ERICH6B: variants seen among roughly 807,000 people sequenced by gnomAD.
The protein encoded by ERICH6B is glutamate-rich protein 6B.
ERICH6B carries 69 observed loss-of-function variants against 80.0 expected under a neutral mutation model. The observed-to-expected ratio is 0.86, with a 90% CI of 0.71 to 1.05. The LOEUF is 1.05. Among genes scored for constraint, ERICH6B ranks in the 50% least tolerant of loss-of-function variants. ERICH6B has a pLI of 0.00. For missense variants in ERICH6B, 754 were observed against 796.1 expected, an observed-to-expected ratio of 0.95 and a Z score of 0.64; for synonymous variants, 283 against 291.9, an observed-to-expected ratio of 0.97 and a Z score of 0.31.
chr13:45,596,466 C>T lies in ERICH6B; in HGVS notation c.540G>A (p.Lys180=). The T allele has an allele frequency of 6.4e-7, 1 of 1,551,710 alleles. No homozygotes were observed. Among genetic ancestry groups the T allele is most frequent in the Non-Finnish European group, 8.7e-7 (1 of 1,146,634 alleles). ...LGKKSYLEEE[K]ALEKEENLEE... ...CCAGATTCTCTTCCTTCTCCAGAGC[C>T]TTTTCCTCTTCTAGATATGATTTCT... The change falls in exon 3 of 15, where the codon AAG becomes AAA. Residue 180 remains lysine, a synonymous_variant. Transcript: ENST00000298738.
chr13:45,612,143 T>A (rs1949903491), intron 1 of ERICH6B, among the ~76,000 whole-genome samples: 1 of 152,262 alleles, frequency 6.6e-6, no homozygotes. Flanking sequence ...AGTCCTGATA[T>A]TATCATTTAG....
intron 2 of ERICH6B, among the ~76,000 whole-genome samples, chr13:45,598,295 G>A (rs1876486014): frequency 6.6e-6 from 1 of 152,166 alleles, no homozygotes; most frequent in African/African-American, 2.4e-5. Flanking sequence ...TTAGCTCGGA[G>A]CCTGGTGCAT....
chr13:45,575,086 A>G (rs142457202), intron 7 of ERICH6B, among the ~76,000 whole-genome samples, 156 bp from the exon 8 acceptor site: 160 of 152,356 alleles, frequency 1.1e-3, no homozygotes, highest in African/African-American at 3.7e-3. Flanking sequence ...TAGGTTAATC[A>G]CATGACCTAA....
intron 11 of ERICH6B, among the ~76,000 whole-genome samples, chr13:45,560,152 C>T (rs963272676): frequency 7.2e-5 from 11 of 152,264 alleles, no homozygotes; most frequent in South Asian, 6.2e-4. Context: ...TTCTAAACTG[C>T]TATTGCTTTA....
chr13:45,546,301 C>T (rs1274401677), intron 13 of ERICH6B, among the ~76,000 whole-genome samples: 2 of 152,138 alleles, frequency 1.3e-5, no homozygotes, highest in African/African-American at 4.8e-5. Flanking sequence ...AGAATCAGTG[C>T]CCTTGGGGCA....
intron 2 of ERICH6B, among the ~76,000 whole-genome samples, chr13:45,605,049 A>C (rs1949849569): frequency 6.6e-6 from 1 of 152,046 alleles, no homozygotes; most frequent in Non-Finnish European, 1.5e-5. Flanking sequence ...GCTCCCTGAG[A>C]CCCGGCCCCT....
At chr13:45,560,861 T>G (rs1468139887) in intron 11 of ERICH6B, among the ~76,000 whole-genome samples, 1 of 152,248 alleles carries the variant, frequency 6.6e-6, no homozygotes, top group Non-Finnish European at 1.5e-5. Context: ...CCATTCACTG[T>G]GTGATTGATT....
chr13:45,574,711 G>T, intron 8 of ERICH6B, 131 bp downstream of exon 8: 1 of 683,066 alleles, frequency 1.5e-6, no homozygotes, highest in Non-Finnish European at 2.5e-6. Flanking sequence ...CCCAGTCTGG[G>T]ATATATGAAG....
intron 4 of ERICH6B, among the ~76,000 whole-genome samples, chr13:45,589,984 G>A (rs1461652252): frequency 6.6e-6 from 1 of 152,140 alleles, no homozygotes; most frequent in Admixed American, 6.5e-5. Flanking sequence ...TCCCCTACTT[G>A]GCAAAACTGG....
At chr13:45,546,765 T>A (rs1374672268) in intron 13 of ERICH6B, among the ~76,000 whole-genome samples, 1 of 152,270 alleles carries the variant, frequency 6.6e-6, no homozygotes, top group South Asian at 2.1e-4. Context: ...TTTGTATATA[T>A]GAACCTTTCA....
chr13:45,607,928 G>A (rs1015783291), intron 1 of ERICH6B, among the ~76,000 whole-genome samples: 2 of 152,172 alleles, frequency 1.3e-5, no homozygotes, highest in East Asian at 3.9e-4. Flanking sequence ...CCACAGTATA[G>A]TTTAAATTTT....
At chr13:45,608,398 T>G (rs1398105265) in intron 1 of ERICH6B, among the ~76,000 whole-genome samples, 2 of 152,162 alleles carry the variant, frequency 1.3e-5, no homozygotes, top group Admixed American at 1.3e-4. Flanking sequence ...CCCACACACT[T>G]TCCTGCTTTT....
At chr13:45,606,503 GTGTATATATATATATATATATATA>G (rs1949861512) in intron 2 of ERICH6B, among the ~76,000 whole-genome samples, 2 of 32,774 alleles carry the variant, frequency 6.1e-5, no homozygotes, top group African/African-American at 1.7e-4. Flanking sequence ...AAAAGTGTAT[GTGTATATATATATATATATATATA>G]TATATATATA....
chr13:45,568,384 A>T lies in ERICH6B; in HGVS notation c.1118T>A (p.Leu373Gln). The T allele has an allele frequency of 6.5e-7, 1 of 1,549,514 alleles. No homozygotes were observed. Among genetic ancestry groups the T allele is most frequent in the South Asian group, 1.2e-5 (1 of 83,472 alleles). ...IIKEMAAHNE[L>Q]EEDFDIPLTK... ...TAGGGGAATGTCAAAATCCTCTTCC[A>T]GTTCATTGTGAGCAGCCATTTCTTT... The change falls in exon 9 of 15, where the codon CTG (leucine) becomes CAG (glutamine). Residue 373 changes from leucine (L) to glutamine (Q), a missense_variant. Physicochemically the swap from Leu to Gln is moderately radical, Grantham distance 113. Coordinates refer to ENST00000298738, the MANE Select transcript of ERICH6B (RefSeq NM_182542.3).
intron 9 of ERICH6B, among the ~76,000 whole-genome samples, chr13:45,564,535 T>A (rs1334595350): frequency 6.6e-6 from 1 of 152,196 alleles, no homozygotes; most frequent in Non-Finnish European, 1.5e-5. Context: ...GGCATATTAA[T>A]TTAGCCCAGA....
chr13:45,549,011 C>T (rs767834082), intron 13 of ERICH6B, among the ~76,000 whole-genome samples: 6 of 152,138 alleles, frequency 3.9e-5, no homozygotes, highest in Admixed American at 6.6e-5. Context: ...TGGCTGGGCG[C>T]GGTGGCTCAC....
intron 3 of ERICH6B, among the ~76,000 whole-genome samples, chr13:45,592,987 G>A (rs1458285592): frequency 1.3e-5 from 2 of 152,170 alleles, no homozygotes; most frequent in South Asian, 2.1e-4. Flanking sequence ...ACTCCACCGT[G>A]TGCTGGGTTT....
At chr13:45,542,761 G>T (rs1873833350) in intron 14 of ERICH6B, among the ~76,000 whole-genome samples, 1 of 152,236 alleles carries the variant, frequency 6.6e-6, no homozygotes, top group Non-Finnish European at 1.5e-5. Context: ...GATAGGCAAG[G>T]ATGCTGGGAT....
chr13:45,613,477 C>T (rs996124179), intron 1 of ERICH6B, among the ~76,000 whole-genome samples: 6 of 152,144 alleles, frequency 3.9e-5, no homozygotes, highest in Admixed American at 1.3e-4. Context: ...CCGATGGTCA[C>T]GGCTAAGTGC....
Sources: allele counts gnomAD v4.1 joint callset (sites outside exome capture counted in the v4.1 genomes callset), GRCh38; gene constraint gnomAD v4.1.1; transcripts MANE v1.5; gene names NCBI Gene and HGNC (gene_info 2026-07-23, HGNC 2026-07-21).